NCOA6: variants seen among roughly 807,000 people sequenced by gnomAD.
NCOA6 encodes the protein NRC RAP250.
NCOA6 carries 49 observed loss-of-function variants against 171.4 expected under a neutral mutation model. The ratio of observed to expected loss-of-function variants is 0.29; its 90% CI spans 0.23 to 0.36. The LOEUF (loss-of-function observed/expected upper bound fraction) is 0.36. NCOA6 is among the 10% of genes least tolerant of loss of function. The pLI is 1.00. For missense variants in NCOA6, 2,248 were observed against 2,554.5 expected, an observed-to-expected ratio of 0.88 and a Z score of 2.59; for synonymous variants, 910 against 927.5, an observed-to-expected ratio of 0.98 and a Z score of 0.34.
intron 4 of NCOA6, among the ~76,000 whole-genome samples, chr20:34,769,382 G>A (rs1307343800): frequency 1.5e-5 from 2 of 135,932 alleles, no homozygotes; most frequent in Non-Finnish European, 3.1e-5. Flanking sequence ...TTTTTTTTTT[G>A]AGATGGAGTC....
chr20:34,757,392 C>G lies in NCOA6; in HGVS notation c.1356G>C (p.Gln452His). 1 of 1,614,020 alleles carries G rather than the reference C, an allele frequency of 6.2e-7. No individual in the cohort carries two copies. The highest frequency in any genetic ancestry group is 8.5e-7 in the Non-Finnish European group (1 of 1,179,936). ...SSPTVNQTQQ[Q>H]MGPRPPQNNP... ...TATTTTGAGGTGGCCTTGGTCCCAT[C>G]TGCTGCTGAGTTTGGTTAACCGTTG... The change falls in exon 7 of 15, where the codon CAG becomes CAC. Residue 452 changes from glutamine (Q) to histidine (H), a missense_variant. By Grantham distance (24) the Gln-to-His change is conservative. Around this residue, in one of 7 missense-constraint regions of NCOA6, gnomAD observed 987 missense variants for 1,104.7 expected, o/e 0.89. Transcript: ENST00000359003.
At chr20:34,815,649 G>A (rs1176211094) in intron 1 of NCOA6, among the ~76,000 whole-genome samples, 2 of 152,038 alleles carry the variant, frequency 1.3e-5, no homozygotes, top group Non-Finnish European at 2.9e-5. Flanking sequence ...AAATATCCAT[G>A]GGGAGGCTTT....
In NCOA6 at chr20:34,746,930, TA is replaced by T. The variant is rs11484299; in HGVS notation, c.2793-3del. ...CCAGCTGGGCGAGTATCTGGGGTGC[TA>T]AAAAAAAAAAAAAAAAAAAAAGTGA... On this transcript the variant is annotated splice_polypyrimidine_tract_variant and splice_region_variant and intron_variant, in intron 9 of 14. Transcript: ENST00000359003. 186,579 of 1,082,838 alleles carry T rather than the reference TA, an allele frequency of 0.17. 2 individuals carry two copies. Among genetic ancestry groups the T allele is most frequent in the Non-Finnish European group, 0.18 (156,005 of 871,806 alleles). 67.1% of individuals were successfully genotyped at this position (1,082,838 alleles called of 1,614,324 possible).
chr20:34,758,151 A>T, intron 6 of NCOA6, 47 bp from the exon 7 acceptor site: 1 of 1,547,562 alleles, frequency 6.5e-7, no homozygotes, highest in Non-Finnish European at 8.7e-7. Flanking sequence ...ACTGCAATCT[A>T]GATCTTAGAG....
chr20:34,779,625 A>G (rs1334395763), intron 3 of NCOA6, among the ~76,000 whole-genome samples: 2 of 152,268 alleles, frequency 1.3e-5, no homozygotes, highest in Non-Finnish European at 2.9e-5. Context: ...ATTCAGTTAT[A>G]CATTCTAATA....
chr20:34,740,143 G>C (rs1376726167), intron 11 of NCOA6, among the ~76,000 whole-genome samples: 1 of 152,192 alleles, frequency 6.6e-6, no homozygotes, highest in South Asian at 2.1e-4. Context: ...GATTACAGGC[G>C]TGAGCCACCG....
intron 10 of NCOA6, among the ~76,000 whole-genome samples, chr20:34,744,324 C>A (rs771417777): frequency 5.3e-5 from 8 of 152,182 alleles, no homozygotes; most frequent in Non-Finnish European, 1.0e-4. Context: ...CATTTTAGAA[C>A]CAAAACCTTA....
At position 34,741,210 on chromosome 20, in the gene NCOA6, T is replaced by G. The variant is rs754852497; in HGVS notation, c.5046A>C (p.Pro1682=). The G allele has an allele frequency of 3.5e-5, 56 of 1,614,172 alleles. No homozygotes were observed. In the Middle Eastern group the frequency reaches 8.2e-4, roughly 24 times the overall value. The change falls in exon 11 of 15, where the codon CCA becomes CCC. Residue 1682 remains proline, a synonymous_variant. Coordinates refer to ENST00000359003, the MANE Select transcript of NCOA6 (RefSeq NM_014071.5). The stretch of plus-strand genomic sequence containing the variant: ...GCATCAGGCCAGAGTTGGTTGTCAG[T>G]GGGGCTGCAGGAATTGTGCTTGGCT... ...GSQPSTIPAA[P]LTTNSGLMPP...
At chr20:34,732,008 AAG>A (rs1396417086) in intron 13 of NCOA6, among the ~76,000 whole-genome samples, 2 of 152,230 alleles carry the variant, frequency 1.3e-5, no homozygotes, top group African/African-American at 4.8e-5. Flanking sequence ...GTGATAGAGC[AAG>A]ACTCTGTCTC....
At chr20:34,759,830 C>T (rs2076763671) in intron 5 of NCOA6, among the ~76,000 whole-genome samples, 2 of 152,086 alleles carry the variant, frequency 1.3e-5, no homozygotes, top group Admixed American at 1.3e-4. Flanking sequence ...GTTTTAAAGT[C>T]TAAGCATCTT....
chr20:34,788,023 C>T (rs926102104), intron 2 of NCOA6, among the ~76,000 whole-genome samples: 3 of 152,056 alleles, frequency 2.0e-5, no homozygotes, highest in South Asian at 4.1e-4. Flanking sequence ...GATGCCACCA[C>T]GCTTGACTAA....
chr20:34,808,361 T>C (rs2078532331), intron 1 of NCOA6, among the ~76,000 whole-genome samples: 1 of 151,274 alleles, frequency 6.6e-6, no homozygotes, highest in Non-Finnish European at 1.5e-5. Context: ...CAAATATTTA[T>C]GGGGGGAAAA....
chr20:34,824,003 TA>T (rs1268582422), intron 1 of NCOA6, among the ~76,000 whole-genome samples: 1 of 152,222 alleles, frequency 6.6e-6, no homozygotes, highest in Admixed American at 6.5e-5. Flanking sequence ...CTTAAAACTC[TA>T]GAAAGTTAGA....
intron 7 of NCOA6, among the ~76,000 whole-genome samples, chr20:34,756,468 T>C (rs1025180304): frequency 7.2e-5 from 11 of 151,958 alleles, no homozygotes; most frequent in Admixed American, 2.0e-4. Flanking sequence ...ACTGATACTC[T>C]ATACCTTACT....
intron 14 of NCOA6, among the ~76,000 whole-genome samples, chr20:34,724,645 T>C (rs1227948912): frequency 2.6e-5 from 4 of 152,188 alleles, no homozygotes; most frequent in Non-Finnish European, 5.9e-5. Flanking sequence ...CATGTCATTT[T>C]TTTCTAGAAA....
chr20:34,780,693 C>T (rs1326001164), intron 3 of NCOA6, among the ~76,000 whole-genome samples: 2 of 151,648 alleles, frequency 1.3e-5, no homozygotes, highest in African/African-American at 4.9e-5. Flanking sequence ...CACTCTGTCA[C>T]ACAGGCTGGA....
At chr20:34,794,046 G>A (rs562609173) in intron 1 of NCOA6, among the ~76,000 whole-genome samples, 11 of 152,200 alleles carry the variant, frequency 7.2e-5, no homozygotes, top group Non-Finnish European at 1.5e-4. Context: ...TCCCAGCAAG[G>A]TTATGGTGAA....
intron 8 of NCOA6, among the ~76,000 whole-genome samples, chr20:34,751,844 T>G (rs1163835287): frequency 6.6e-6 from 1 of 152,180 alleles, no homozygotes; most frequent in Non-Finnish European, 1.5e-5. Flanking sequence ...ACTGAATAAC[T>G]TTGTAGTTAA....
chr20:34,769,451 T>C (rs2077076400), intron 4 of NCOA6, among the ~76,000 whole-genome samples: 1 of 150,714 alleles, frequency 6.6e-6, no homozygotes, highest in Non-Finnish European at 1.5e-5. Flanking sequence ...GCAACCTTCA[T>C]CTCCTGGGTT....
Sources: gnomAD v4.1 joint callset for allele counts (sites outside exome capture counted in the v4.1 genomes callset) on GRCh38, gnomAD v4.1.1 for gene constraint, gnomAD v4.1.1 regional missense constraint, MANE v1.5 for transcripts, NCBI Gene and HGNC (gene_info 2026-07-23, HGNC 2026-07-21) for gene names.